The following POLR3A variants were observed in gnomAD, a reference collection of about 807,000 sequenced individuals.
POLR3A encodes the protein DNA-directed RNA polymerase III subunit RPC1.
Under a neutral mutation model 152.8 loss-of-function variants are expected in POLR3A, and 112 were observed. The ratio of observed to expected loss-of-function variants is 0.73; its 90% confidence interval spans 0.63 to 0.86. The LOEUF (loss-of-function observed/expected upper bound fraction) is 0.86. Among genes scored for constraint, POLR3A ranks in the 40% least tolerant of loss-of-function variants. The probability of loss-of-function intolerance (pLI) is 0.00; values close to 1 mark genes in which losing one functional copy is unlikely to be tolerated. For synonymous variants in POLR3A, 615 were observed against 652.1 expected, an observed-to-expected ratio of 0.94 and a Z score of 0.87; for missense variants, 1,385 against 1,743.1, an observed-to-expected ratio of 0.79 and a Z score of 3.66.
intron 8 of POLR3A, among the ~76,000 whole-genome samples, chr10:78,020,521 G>T (rs1415364707): frequency 6.6e-6 from 1 of 151,870 alleles, no homozygotes; most frequent in African/African-American, 2.4e-5. Flanking sequence ...GGATGCGGTG[G>T]CTCATACCTG....
At chr10:78,021,341 A>G (rs1847577322) in intron 8 of POLR3A, among the ~76,000 whole-genome samples, 1 of 152,216 alleles carries the variant, frequency 6.6e-6, no homozygotes, top group Admixed American at 6.5e-5. Context: ...GAAACTAGAA[A>G]CAACTGTGGC....
Position 77,983,944 on chromosome 10 carries a change from T to C in POLR3A, c.3405A>G (p.Glu1135=), listed in dbSNP as rs751121057. The C allele has an allele frequency of 3.7e-6, 6 of 1,611,162 alleles. No individual in the cohort carries two copies. The East Asian group carries it at 1.3e-4, about 36-fold the overall frequency. Residue 1135 remains glutamate, a synonymous_variant, in exon 26 of 31, where the codon GAA becomes GAG. Coordinates refer to ENST00000372371, the MANE Select transcript of POLR3A (RefSeq NM_007055.4). The part of the protein sequence containing the change: ...DCFILVKLSL[E]RIRLLRLEVN... The stretch of plus-strand genomic sequence containing the variant: ...CTTCCAGTCTCAGAAGCCTAATCCG[T>C]TCCAGGGAGAGCTTGACGAGAATAA...
At position 78,024,562 on chromosome 10, in the gene POLR3A, A is replaced by C. The variant is rs1465219605; in HGVS notation, c.632T>G (p.Leu211Arg). 1 of 1,613,604 alleles carries C rather than the reference A, an allele frequency of 6.2e-7. No homozygotes were observed. The highest frequency in any genetic ancestry group is 1.7e-5 in the Admixed American group (1 of 60,004). Residue 211 changes from leucine to arginine, a missense_variant, in exon 5 of 31, where the codon CTG becomes CGG. Physicochemically the swap from Leu to Arg is moderately radical, Grantham distance 102. Around this residue, in one of 7 missense-constraint regions of POLR3A, gnomAD observed 493 missense variants for 647.5 expected, o/e 0.76. Transcript: ENST00000372371. ...TCTCAGGCTCACCTGTGCCCTTCCC[A>C]GCAGAGGCTCCACTTCTTTATTATG... Reference protein sequence around the residue: ...IEHNKEVEPLLGRAQENLNPL... With the variant: ...IEHNKEVEPLRGRAQENLNPL...
At chr10:77,978,063 TC>T (rs1847106199) in intron 30 of POLR3A, among the ~76,000 whole-genome samples, 1 of 151,964 alleles carries the variant, frequency 6.6e-6, no homozygotes, top group South Asian at 2.1e-4. Flanking sequence ...CAGAATACAA[TC>T]CCCTTGGAAA....
intron 5 of POLR3A, 102 bp from the exon 6 acceptor site, chr10:78,022,486 G>C: frequency 8.4e-7 from 1 of 1,195,098 alleles, no homozygotes; most frequent in Non-Finnish European, 1.2e-6. Flanking sequence ...CTGTCACTAA[G>C]GATAAGTGAC....
At chr10:77,979,469 G>A (rs1014366362) in intron 30 of POLR3A, among the ~76,000 whole-genome samples, 3 of 152,228 alleles carry the variant, frequency 2.0e-5, no homozygotes, top group Admixed American at 6.5e-5. Flanking sequence ...CTGGTCTCAC[G>A]GAAGAGGCAG....
At chr10:78,009,809 A>T in intron 13 of POLR3A, 55 bp downstream of exon 13, 1 of 1,608,910 alleles carries the variant, frequency 6.2e-7, no homozygotes, top group Non-Finnish European at 8.5e-7. Context: ...TCACCAGTCT[A>T]CCCCCACAGA....
chr10:78,004,982 A>G, intron 15 of POLR3A, 94 bp from the exon 16 acceptor site: 2 of 945,924 alleles, frequency 2.1e-6, no homozygotes. Flanking sequence ...AGTTTGTACT[A>G]TATATAAACT....
At chr10:78,015,174 A>T (rs535044981) in intron 10 of POLR3A, among the ~76,000 whole-genome samples, 64 of 152,306 alleles carry the variant, frequency 4.2e-4, no homozygotes, top group African/African-American at 1.5e-3. Flanking sequence ...TGTAAACTGG[A>T]TACATATTGA....
intron 11 of POLR3A, among the ~76,000 whole-genome samples, chr10:78,012,140 G>A (rs1203770702): frequency 3.3e-5 from 5 of 152,144 alleles, no homozygotes; most frequent in South Asian, 2.1e-4. Flanking sequence ...CGAATCGGGC[G>A]GATCACCTGA....
intron 16 of POLR3A, among the ~76,000 whole-genome samples, chr10:78,002,707 A>T (rs929640957): frequency 6.6e-6 from 1 of 151,878 alleles, no homozygotes. Context: ...GCTAATTTTT[A>T]AAATTTTTTT....
At chr10:78,013,496 AAG>A (rs1348580478) in intron 11 of POLR3A, 152 bp downstream of exon 11, 1 of 734,924 alleles carries the variant, frequency 1.4e-6, no homozygotes, top group Non-Finnish European at 2.4e-6. Context: ...AACCAATAAA[AAG>A]AGAGATATAT....
intron 8 of POLR3A, 87 bp downstream of exon 8, chr10:78,021,459 T>A: frequency 2.1e-6 from 3 of 1,398,930 alleles, no homozygotes; most frequent in Non-Finnish European, 3.0e-6. Flanking sequence ...ACTGGGGACT[T>A]TCTACTGCCT....
intron 19 of POLR3A, 131 bp from the exon 20 acceptor site, chr10:77,993,498 C>G (rs945142644): frequency 2.7e-6 from 2 of 733,546 alleles, no homozygotes; most frequent in South Asian, 1.5e-5. Flanking sequence ...TATTAGAAAC[C>G]CTTTAAAAAG....
Position 78,010,010 on chromosome 10 carries a change from CACAAA to C in POLR3A, c.1643-24_1643-20del, listed in dbSNP as rs1847451354. The C allele has an allele frequency of 1.9e-6, 3 of 1,613,680 alleles. No individual in the cohort carries two copies. The highest frequency in any genetic ancestry group is 2.5e-6 in the Non-Finnish European group (3 of 1,179,748). On this transcript the variant is annotated intron_variant, in intron 12 of 30. Coordinates refer to ENST00000372371, the MANE Select transcript of POLR3A (RefSeq NM_007055.4). ...TAGGCACCTAAGCATTAGGAACCAA[CACAAA>C]ACAAAGAAAAGGAATGAAATTGTGA...
chr10:78,025,504 A>G (rs1564624035), intron 3 of POLR3A, 118 bp downstream of exon 3: 2 of 907,222 alleles, frequency 2.2e-6, no homozygotes, highest in African/African-American at 3.3e-5. Context: ...TTATGTACTT[A>G]GTATAAAAGA....
At chr10:77,993,090 A>T (rs1229987318) in intron 20 of POLR3A, 107 bp downstream of exon 20, 1 of 871,874 alleles carries the variant, frequency 1.1e-6, no homozygotes, top group Non-Finnish European at 2.0e-6. Context: ...TTGGGATTAT[A>T]AATACTGAAG....
In POLR3A at chr10:78,026,179, G is replaced by A. The variant is rs1262335730; in HGVS notation, c.95C>T (p.Ala32Val). Reference protein sequence around the residue: ...MKSPEEMRQQAHIQVVSKNLY... With the variant: ...MKSPEEMRQQVHIQVVSKNLY... ...GTTCTTACTCACAACTTGGATGTGC[G>A]CCTGCTGGCGCATCTCCTCAGGTGA... The change falls in exon 2 of 31, where the codon GCG (alanine) becomes GTG (valine). Residue 32 changes from alanine (A) to valine (V), a missense_variant. Transcript: ENST00000372371. 4 of 1,614,060 alleles carry A rather than the reference G, an allele frequency of 2.5e-6. No individual in the cohort carries two copies. Among genetic ancestry groups the A allele is most frequent in the East Asian group, 2.2e-5 (1 of 44,900 alleles).
chr10:77,993,215 C>T lies in POLR3A; in HGVS notation c.2769G>A (p.Arg923=), dbSNP rs903345079. ...ATCTTACTTTGATGTTGTCCAGAACCCTTTTAAACTCCAAAGGTTCATCTT... is the reference window on the plus strand; with the variant it reads ...ATCTTACTTTGATGTTGTCCAGAACTCTTTTAAACTCCAAAGGTTCATCTT... ...EGKDEPLEFK[R]VLDNIKAVFP... is the part of the protein sequence containing the mutation. Residue 923 remains arginine, a synonymous_variant, in exon 20 of 31, where the codon AGG becomes AGA. Transcript: ENST00000372371. The T allele has an allele frequency of 3.1e-6, 5 of 1,613,570 alleles. No individual in the cohort carries two copies. The highest frequency in any genetic ancestry group is 2.7e-5 in the African/African-American group (2 of 74,904).
Sources: allele counts gnomAD v4.1 joint callset (sites outside exome capture counted in the v4.1 genomes callset), GRCh38; gene constraint gnomAD v4.1.1; regional missense constraint gnomAD v4.1.1; transcripts MANE v1.5; gene names NCBI Gene and HGNC (gene_info 2026-07-23, HGNC 2026-07-21).